GRM4: variants seen among roughly 807,000 people sequenced by gnomAD.
GRM4 encodes metabotropic glutamate receptor 4.
Under a neutral mutation model 81.7 loss-of-function variants are expected in GRM4, and 28 were observed. The ratio of observed to expected loss-of-function variants is 0.34; its 90% confidence interval spans 0.25 to 0.47. The LOEUF is 0.47. Among genes scored for constraint, GRM4 ranks in the 20% least tolerant of loss-of-function variants. The pLI is 1.00. For synonymous variants in GRM4, 488 were observed against 528.8 expected (o/e 0.92, Z 1.06); for missense variants, 948 against 1,290.0 (o/e 0.73, Z 4.06).
chr6:34,127,183 T>C (rs945666893), intron 2 of GRM4, among the ~76,000 whole-genome samples: 1 of 152,156 alleles, frequency 6.6e-6, no homozygotes, highest in Non-Finnish European at 1.5e-5. Flanking sequence ...AATGTGTACA[T>C]GACTGCAACT....
intron 3 of GRM4, among the ~76,000 whole-genome samples, chr6:34,082,642 T>A (rs945765040): frequency 6.6e-6 from 1 of 152,218 alleles, no homozygotes; most frequent in African/African-American, 2.4e-5. Flanking sequence ...CCTGCTCCTA[T>A]TCTCTGGTTA....
chr6:34,120,264 C>T (rs972685852), intron 2 of GRM4, among the ~76,000 whole-genome samples: 20 of 152,092 alleles, frequency 1.3e-4, no homozygotes, highest in Non-Finnish European at 2.8e-4. Flanking sequence ...ACACTCTTTC[C>T]CTCCACGAGG....
rs545378465 is a variant in GRM4 at position 34,042,594 on chromosome 6, G to A, written c.1169-1846C>T. Among the ~76,000 whole-genome samples, 9 of 152,196 alleles carry A rather than the reference G, an allele frequency of 5.9e-5. No homozygotes were observed. The highest frequency in any genetic ancestry group is 2.1e-4 in the South Asian group (1 of 4,834). On this transcript the variant is annotated intron_variant, in intron 6 of 10. Coordinates refer to ENST00000538487, the MANE Select transcript of GRM4 (RefSeq NM_000841.4). This position sits in a 1 kb window ranked among gnomAD's most constrained non-coding sequence, Gnocchi z 4.2. ...CCTCCTATCATTCTACTCCTAGCCC[G>A]TGCCTCTCAGCTAGAGGGCACATGC...
rs1491104603 is a variant in GRM4 at position 34,069,163 on chromosome 6, CGT to C, written c.737-7137_737-7136del. On this transcript the variant is annotated intron_variant, in intron 3 of 10. Transcript: ENST00000538487. The surrounding 1 kb of genome is among the most constrained non-coding windows in gnomAD (Gnocchi z 6.4). ...GAAGCTACCCCTGGACCCTCATGGG[CGT>C]ATACACACACACACACACACACACA... 9.0e-5 allele frequency among the ~76,000 whole-genome samples: 12 copies of C among 133,082 alleles called. No homozygotes were observed. Among genetic ancestry groups the C allele is most frequent in the Admixed American group, 8.7e-4 (11 of 12,580 alleles). 87.3% of individuals were successfully genotyped at this position (133,082 alleles called of 152,430 possible). A position where few individuals can be genotyped will look rare whatever the true frequency, so the allele number is the denominator to read the frequency against.
chr6:34,110,827 T>C, intron 2 of GRM4: 1 of 1,369,368 alleles, frequency 7.3e-7, no homozygotes, highest in Non-Finnish European at 9.4e-7. Flanking sequence ...CTGGCAGCTC[T>C]CCTCTGCCCA....
rs375692661 is a variant in GRM4, at chr6:34,143,073, A to G, written c.-364+2927T>C. ...CTCTCTTAAATGCAGATGCCCCTGG[A>G]AAGGGTAGTCCCTGAAGTGGCTAAG... On this transcript the variant is annotated intron_variant, in intron 1 of 10. Transcript: ENST00000538487. Among the ~76,000 whole-genome samples the G allele has an allele frequency of 2.5e-3, 379 of 152,294 alleles. 2 individuals are homozygous for G. Among genetic ancestry groups the G allele is most frequent in the African/African-American group, 8.6e-3 (356 of 41,560 alleles).
Position 34,094,965 on chromosome 6 carries a change from C to T in GRM4, c.520-2866G>A, listed in dbSNP as rs558457574. Among the ~76,000 whole-genome samples the T allele has an allele frequency of 5.9e-5, 9 of 152,314 alleles. No individual in the cohort carries two copies. The East Asian group carries it at 1.5e-3, about 26-fold the overall frequency. On this transcript the variant is annotated intron_variant, in intron 2 of 10. Coordinates refer to ENST00000538487, the MANE Select transcript of GRM4 (RefSeq NM_000841.4). ...AGCAGTGGATGGACGGATGGATGTC[C>T]GGGCATCCCCTGTGGGGCCAGACTC... is the stretch of plus-strand genomic sequence containing the variant.
intron 4 of GRM4, chr6:34,060,359 T>C (rs3798538): frequency 1.3e-5 from 2 of 152,236 alleles, no homozygotes; most frequent in East Asian, 3.9e-4. Context: ...CTCCCGATCA[T>C]CCAGCCCTGC....
chr6:34,138,401 C>T (rs568341323), intron 1 of GRM4, among the ~76,000 whole-genome samples: 8 of 152,352 alleles, frequency 5.3e-5, no homozygotes, highest in South Asian at 4.1e-4. Flanking sequence ...TGCTCAGGAG[C>T]GCTCTAGAAT....
At position 34,019,137 on chromosome 6, in the gene GRM4, C is replaced by T. The variant is rs993456365; in HGVS notation, c.*3684G>A. The T allele has an allele frequency of 6.6e-6, 1 of 152,416 alleles. No individual in the cohort carries two copies. Among genetic ancestry groups the T allele is most frequent in the Non-Finnish European group, 1.5e-5 (1 of 68,226 alleles). The allele number at this position is 152,416 out of a possible 1,614,324, so 9.4% of individuals were successfully genotyped here. A position where few individuals can be genotyped will look rare whatever the true frequency, so the allele number is the denominator to read the frequency against. Reference sequence around the variant, plus strand: ...TGGCCCACTGAGACCTCTGTCCTGCCTGGCTCTATGCCTCTGCCTCCAGGG... The same window carrying T: ...TGGCCCACTGAGACCTCTGTCCTGCTTGGCTCTATGCCTCTGCCTCCAGGG... On this transcript the variant is annotated 3_prime_UTR_variant, in exon 11 of 11. Transcript: ENST00000538487.
At position 34,035,839 on chromosome 6, in the gene GRM4, C is replaced by T; in HGVS notation, c.2271G>A (p.Leu757=). Residue 757 remains leucine, a synonymous_variant, in exon 9 of 11, where the codon CTG becomes CTA. Coordinates refer to ENST00000538487, the MANE Select transcript of GRM4 (RefSeq NM_000841.4). The surrounding 1 kb of genome is among the most constrained non-coding windows in gnomAD (Gnocchi z 6.6). ...DISDLSLICL[L]GYSMLLMVTC... is the part of the protein sequence containing the mutation. Reference sequence around the variant, plus strand: ...TGACCATGAGCAGCATGCTGTAGCCCAGCAGGCAGATGAGCGACAGGTCCG... The same window carrying T: ...TGACCATGAGCAGCATGCTGTAGCCTAGCAGGCAGATGAGCGACAGGTCCG... 6.2e-7 allele frequency: 1 copy of T among 1,613,026 alleles called. No individual in the cohort carries two copies. The highest frequency in any genetic ancestry group is 1.1e-5 in the South Asian group (1 of 91,056).
At chr6:34,062,221 C>T in intron 3 of GRM4, 193 bp from the exon 4 acceptor site, 3 of 523,368 alleles carry the variant, frequency 5.7e-6, no homozygotes, top group Non-Finnish European at 1.0e-5. Flanking sequence ...CTTGGCTCCA[C>T]TTACCAGCTG....
intron 1 of GRM4, among the ~76,000 whole-genome samples, chr6:34,153,608 G>A (rs551243520): frequency 6.6e-6 from 1 of 152,246 alleles, no homozygotes. Context: ...AGCCAGGACC[G>A]GGTGTGGTGG....
intron 10 of GRM4, among the ~76,000 whole-genome samples, chr6:34,027,469 C>G (rs1349924257): frequency 6.6e-6 from 1 of 152,142 alleles, no homozygotes; most frequent in African/African-American, 2.4e-5. Context: ...GTCCCCCAGA[C>G]AGGCAACTAC....
chr6:34,152,954 T>C lies in GRM4; in HGVS notation c.312+2125A>G, dbSNP rs568951715. On this transcript the variant is annotated intron_variant, in intron 1 of 8. Transcript: ENST00000374177. This position sits in a 1 kb window ranked among gnomAD's most constrained non-coding sequence, Gnocchi z 4.1. ...GTGGCACACCGGAGCCCTTGCTGCA[T>C]GCCAGGTGCTCATCAGAGTCTCCAC... Among the ~76,000 whole-genome samples, 1 of 152,126 alleles carries C rather than the reference T, an allele frequency of 6.6e-6. No individual in the cohort carries two copies. The highest frequency in any genetic ancestry group is 2.1e-4 in the South Asian group (1 of 4,814).
At chr6:34,088,617 A>G (rs1768038406) in intron 3 of GRM4, among the ~76,000 whole-genome samples, 1 of 152,192 alleles carries the variant, frequency 6.6e-6, no homozygotes, top group African/African-American at 2.4e-5. Flanking sequence ...CAGGGTGTAT[A>G]GGTAGAGTAC....
At chr6:34,086,213 C>T (rs546010904) in intron 3 of GRM4, among the ~76,000 whole-genome samples, 2 of 152,232 alleles carry the variant, frequency 1.3e-5, no homozygotes, top group Non-Finnish European at 2.9e-5. Flanking sequence ...CCGAGAGTCT[C>T]ACAGCCCACT....
At chr6:34,143,704 G>A (rs1461741153) in intron 1 of GRM4, among the ~76,000 whole-genome samples, 3 of 152,236 alleles carry the variant, frequency 2.0e-5, no homozygotes, top group Non-Finnish European at 4.4e-5. Flanking sequence ...TCCCGGGAGT[G>A]TGGGCAGATG....
At chr6:34,106,683 C>T (rs750536996) in intron 2 of GRM4, among the ~76,000 whole-genome samples, 5 of 152,172 alleles carry the variant, frequency 3.3e-5, no homozygotes, top group Non-Finnish European at 5.9e-5. Flanking sequence ...CTTTCATTCA[C>T]GCATCTAGTG....
Sources: gnomAD v4.1 joint callset for allele counts (sites outside exome capture counted in the v4.1 genomes callset) on GRCh38, gnomAD v4.1.1 for gene constraint, Gnocchi (gnomAD v3.1) non-coding constraint, MANE v1.5 for transcripts, NCBI Gene and HGNC (gene_info 2026-07-23, HGNC 2026-07-21) for gene names.